PDSS2: variants seen among roughly 807,000 people sequenced by gnomAD.
PDSS2 encodes the protein all trans-polyprenyl-diphosphate synthase PDSS2.
PDSS2 carries 31 observed loss-of-function variants against 44.5 expected under a neutral mutation model. That is an observed-to-expected ratio of 0.70 (90% CI 0.52 to 0.94). The LOEUF (loss-of-function observed/expected upper bound fraction) is 0.94. Ranked by LOEUF, PDSS2 falls within the 40% of genes least tolerant of loss-of-function variation. PDSS2 has a pLI of 0.00. For synonymous variants in PDSS2, 157 were observed against 180.3 expected (o/e 0.87, Z 1.03); for missense variants, 452 against 482.2 (o/e 0.94, Z 0.59).
At chr6:107,309,071 G>T (rs1776951678) in intron 2 of PDSS2, among the ~76,000 whole-genome samples, 1 of 152,148 alleles carries the variant, frequency 6.6e-6, no homozygotes, top group African/African-American at 2.4e-5. Context: ...AAAAATAAAT[G>T]AATTGTGAAA....
chr6:107,358,870 C>A (rs1206302836), intron 1 of PDSS2, among the ~76,000 whole-genome samples: 1 of 151,984 alleles, frequency 6.6e-6, no homozygotes. Flanking sequence ...TGGCAAATGT[C>A]CCCAGGAGGG....
At chr6:107,408,316 C>T (rs1780386760) in intron 1 of PDSS2, among the ~76,000 whole-genome samples, 2 of 152,202 alleles carry the variant, frequency 1.3e-5, no homozygotes, top group African/African-American at 4.8e-5. Flanking sequence ...CCTGGCCTTA[C>T]TAGCAGTTGT....
chr6:107,312,209 G>A (rs1777065794), intron 2 of PDSS2, among the ~76,000 whole-genome samples: 1 of 152,124 alleles, frequency 6.6e-6, no homozygotes, highest in Non-Finnish European at 1.5e-5. Context: ...CAGCACTATT[G>A]CATCTCCCTT....
At chr6:107,167,545 C>T (rs1771398411) in intron 7 of PDSS2, among the ~76,000 whole-genome samples, 1 of 152,052 alleles carries the variant, frequency 6.6e-6, no homozygotes, top group Non-Finnish European at 1.5e-5. Flanking sequence ...GCTCTTGCTT[C>T]TCTAGTTCTT....
chr6:107,290,266 G>A (rs1029425188), intron 2 of PDSS2, among the ~76,000 whole-genome samples: 1 of 152,180 alleles, frequency 6.6e-6, no homozygotes. Flanking sequence ...AGAGGTACAC[G>A]GGGAGTGATA....
At chr6:107,278,521 T>C (rs955382311) in intron 2 of PDSS2, among the ~76,000 whole-genome samples, 1 of 152,202 alleles carries the variant, frequency 6.6e-6, no homozygotes, top group African/African-American at 2.4e-5. Context: ...AATGAGATTA[T>C]GGGCAAGTAT....
chr6:107,431,779 TTAA>T (rs1176596491), intron 1 of PDSS2, among the ~76,000 whole-genome samples: 1 of 152,196 alleles, frequency 6.6e-6, no homozygotes, highest in Non-Finnish European at 1.5e-5. Flanking sequence ...TATTGAACAG[TTAA>T]TCTAAACATT....
At chr6:107,329,620 T>C (rs568615871) in intron 2 of PDSS2, among the ~76,000 whole-genome samples, 10 of 152,322 alleles carry the variant, frequency 6.6e-5, no homozygotes, top group Non-Finnish European at 1.2e-4. Flanking sequence ...GTAAAGATCC[T>C]TTCTCCTAAT....
intron 1 of PDSS2, among the ~76,000 whole-genome samples, chr6:107,356,971 T>C (rs1778613349): frequency 6.6e-6 from 1 of 152,142 alleles, no homozygotes; most frequent in East Asian, 1.9e-4. Flanking sequence ...CATAACATGA[T>C]TGAGGTTTAA....
At chr6:107,287,391 A>C (rs926083279) in intron 2 of PDSS2, among the ~76,000 whole-genome samples, 3 of 152,196 alleles carry the variant, frequency 2.0e-5, no homozygotes, top group African/African-American at 7.2e-5. Context: ...ATTGGACCTT[A>C]AGTTGGTACA....
At chr6:107,194,305 T>C (rs1276719128) in intron 6 of PDSS2, among the ~76,000 whole-genome samples, 1 of 152,248 alleles carries the variant, frequency 6.6e-6, no homozygotes, top group Admixed American at 6.5e-5. Flanking sequence ...CATTGCATTC[T>C]GGTTTTTGTG....
rs144848575 is a variant in PDSS2 at position 107,271,267 on chromosome 6, ATACTT to A, written c.630+2757_630+2761del. Among the ~76,000 whole-genome samples the A allele has an allele frequency of 7.2e-3, 1,102 of 152,328 alleles. 8 individuals are homozygous for A. Among genetic ancestry groups the A allele is most frequent in the Non-Finnish European group, 0.013 (854 of 68,028 alleles). ...TTAACTTTCTTAAGAAAAAAAATCA[ATACTT>A]AAAAAAATGAAACACATACTTCTAG... On this transcript the variant is annotated intron_variant, in intron 3 of 7. Coordinates refer to ENST00000369037, the MANE Select transcript of PDSS2 (RefSeq NM_020381.4).
chr6:107,255,261 T>G (rs1220215984), intron 3 of PDSS2, among the ~76,000 whole-genome samples: 1 of 148,120 alleles, frequency 6.8e-6, no homozygotes, highest in Non-Finnish European at 1.5e-5. Flanking sequence ...GGTGTGATCT[T>G]GGCTCACCCC....
chr6:107,369,822 T>C (rs1373455135), intron 1 of PDSS2, among the ~76,000 whole-genome samples: 2 of 152,068 alleles, frequency 1.3e-5, no homozygotes, highest in Non-Finnish European at 2.9e-5. Flanking sequence ...CTGGGCACCA[T>C]AGTGAGACTC....
At chr6:107,348,064 G>A (rs761360648) in intron 1 of PDSS2, among the ~76,000 whole-genome samples, 2 of 151,988 alleles carry the variant, frequency 1.3e-5, no homozygotes, top group Non-Finnish European at 2.9e-5. Flanking sequence ...ATAAGTCATC[G>A]ATCCCCTCCT....
chr6:107,432,756 T>TCAAAAA (rs374164703), intron 1 of PDSS2, among the ~76,000 whole-genome samples: 5 of 146,182 alleles, frequency 3.4e-5, no homozygotes, highest in African/African-American at 5.2e-5. Flanking sequence ...AGACACTGTC[T>TCAAAAA]CAAAAACAAA....
chr6:107,230,960 G>A (rs1044761337), intron 4 of PDSS2, among the ~76,000 whole-genome samples: 4 of 152,110 alleles, frequency 2.6e-5, no homozygotes, highest in Non-Finnish European at 5.9e-5. Context: ...TGTAATCCTA[G>A]CACATTGGGA....
At position 107,364,294 on chromosome 6, in the gene PDSS2, A is replaced by G. The variant is rs867115272; in HGVS notation, c.297-29962T>C. Among the ~76,000 whole-genome samples the G allele has an allele frequency of 3.1e-3, 463 of 151,490 alleles. 3 individuals carry two copies. The highest frequency in any genetic ancestry group is 9.5e-3 in the African/African-American group (393 of 41,316). On this transcript the variant is annotated intron_variant, in intron 1 of 7. Transcript: ENST00000369037. ...TGGGACTGGGCGCCGTGGAGTAGGG[A>G]GTGGTGCTGGTCGGGGAGGTTCGGG...
At chr6:107,289,959 A>T (rs535355500) in intron 2 of PDSS2, among the ~76,000 whole-genome samples, 48 of 149,930 alleles carry the variant, frequency 3.2e-4, no homozygotes, top group East Asian at 2.2e-3. Context: ...TTTTTTTTAA[A>T]AAATGTTTTT....
Sources: allele counts gnomAD v4.1 joint callset (sites outside exome capture counted in the v4.1 genomes callset), GRCh38; gene constraint gnomAD v4.1.1; transcripts MANE v1.5; gene names NCBI Gene and HGNC (gene_info 2026-07-23, HGNC 2026-07-21).